Variants in NEGR1 observed in about 807,000 individuals in gnomAD.
NEGR1 encodes the protein neuronal growth regulator 1.
In NEGR1, 10 loss-of-function variants were observed where a neutral mutation model predicts 40.9. The ratio of observed to expected loss-of-function variants is 0.24; its 90% CI spans 0.15 to 0.42. The LOEUF is 0.42. NEGR1 is among the 10% of genes least tolerant of loss of function. The probability of loss-of-function intolerance (pLI) is 1.00; values close to 1 mark genes in which losing one functional copy is unlikely to be tolerated. For synonymous variants in NEGR1, 185 were observed against 166.8 expected (o/e 1.11, Z -0.84); for missense variants, 352 against 438.9 (o/e 0.80, Z 1.77).
chr1:72,059,780 A>C (rs1647149651), intron 1 of NEGR1, among the ~76,000 whole-genome samples: 1 of 151,718 alleles, frequency 6.6e-6, no homozygotes, highest in African/African-American at 2.4e-5. Flanking sequence ...ATGATTTAAT[A>C]ATTATAAAAT....
At chr1:71,751,518 C>A (rs1436652583) in intron 3 of NEGR1, among the ~76,000 whole-genome samples, 2 of 152,150 alleles carry the variant, frequency 1.3e-5, no homozygotes, top group African/African-American at 4.8e-5. Context: ...CAAACAGAGA[C>A]CTTACTGATT....
chr1:72,275,103 G>C (rs1363435530), intron 1 of NEGR1: 1 of 861,648 alleles, frequency 1.2e-6, no homozygotes, highest in Non-Finnish European at 2.0e-6. Context: ...CGAAAGACTT[G>C]GGAACAGAAA....
At chr1:71,722,566 A>G (rs1044278819) in intron 3 of NEGR1, among the ~76,000 whole-genome samples, 4 of 152,132 alleles carry the variant, frequency 2.6e-5, no homozygotes, top group Non-Finnish European at 5.9e-5. Flanking sequence ...ACAGCAAAAA[A>G]CAATGGGAAT....
chr1:71,434,397 G>T (rs1426462271), intron 6 of NEGR1, among the ~76,000 whole-genome samples: 1 of 152,110 alleles, frequency 6.6e-6, no homozygotes. Context: ...GGTACATATT[G>T]TAGTACTGTA....
chr1:72,174,148 T>A (rs1218450601), intron 1 of NEGR1, among the ~76,000 whole-genome samples: 1 of 152,156 alleles, frequency 6.6e-6, no homozygotes, highest in East Asian at 1.9e-4. Context: ...AGATGTAAAT[T>A]TCATTATCTT....
intron 6 of NEGR1, among the ~76,000 whole-genome samples, chr1:71,573,042 G>A (rs1298893891): frequency 6.6e-6 from 1 of 152,150 alleles, no homozygotes; most frequent in Non-Finnish European, 1.5e-5. Context: ...TTGTGCTGGG[G>A]AGCTTCCCCT....
intron 2 of NEGR1, among the ~76,000 whole-genome samples, chr1:71,819,773 C>A (rs1203109537): frequency 1.3e-5 from 2 of 151,890 alleles, no homozygotes; most frequent in East Asian, 1.9e-4. Flanking sequence ...GCTAGAATTG[C>A]CCTGGTAGGC....
intron 3 of NEGR1, among the ~76,000 whole-genome samples, chr1:71,707,973 G>A (rs1653961284): frequency 6.6e-6 from 1 of 152,076 alleles, no homozygotes; most frequent in East Asian, 1.9e-4. Flanking sequence ...AGCAGGAATA[G>A]CTTAGATCAC....
At chr1:71,915,237 C>T (rs567052229) in intron 2 of NEGR1, among the ~76,000 whole-genome samples, 108 of 151,988 alleles carry the variant, frequency 7.1e-4, no homozygotes, top group African/African-American at 2.6e-3. Flanking sequence ...GATAAGAAGC[C>T]TTTTTGTCAT....
chr1:71,813,965 T>C (rs771935661), intron 2 of NEGR1, among the ~76,000 whole-genome samples: 8 of 151,976 alleles, frequency 5.3e-5, no homozygotes, highest in Non-Finnish European at 1.2e-4. Flanking sequence ...CTTCCAATAC[T>C]ATGTGGTGGA....
At chr1:72,278,386 A>C (rs946928255) in intron 1 of NEGR1, among the ~76,000 whole-genome samples, 4 of 152,162 alleles carry the variant, frequency 2.6e-5, no homozygotes, top group African/African-American at 9.6e-5. Flanking sequence ...AATTAGCTTA[A>C]AAATAACCGT....
intron 1 of NEGR1, among the ~76,000 whole-genome samples, chr1:72,002,680 A>G (rs984711187): frequency 2.6e-5 from 4 of 152,202 alleles, no homozygotes; most frequent in Non-Finnish European, 2.9e-5. Context: ...TGAGGAAACT[A>G]TATTAAAAAT....
intron 2 of NEGR1, among the ~76,000 whole-genome samples, chr1:71,903,813 TTCTC>T (rs757294644): frequency 8.6e-4 from 130 of 151,628 alleles, no homozygotes; most frequent in Admixed American, 3.0e-3. Flanking sequence ...ATCAACCCCA[TTCTC>T]TCTCTATTAT....
intron 1 of NEGR1, among the ~76,000 whole-genome samples, chr1:72,257,115 G>T (rs916335182): frequency 6.6e-6 from 1 of 152,008 alleles, no homozygotes; most frequent in Non-Finnish European, 1.5e-5. Flanking sequence ...GAGGTCAGGA[G>T]ATTGAGACCA....
At chr1:71,439,607 C>G (rs1172012784) in intron 6 of NEGR1, 1 of 152,174 alleles carries the variant, frequency 6.6e-6, no homozygotes, top group African/African-American at 2.4e-5. Flanking sequence ...CAGGAATCTA[C>G]CTGCCTTGGC....
rs577085204 is a variant in NEGR1 at position 71,548,657 on chromosome 1, A to T, written c.940+44160T>A. Among the ~76,000 whole-genome samples the T allele has an allele frequency of 2.0e-5, 3 of 151,790 alleles. No homozygotes were observed. The South Asian group carries it at 6.2e-4, about 31-fold the overall frequency. On this transcript the variant is annotated intron_variant, in intron 6 of 6. Coordinates refer to ENST00000357731, the MANE Select transcript of NEGR1 (RefSeq NM_173808.3). Reference sequence around the variant, plus strand: ...CATATGCATAGCAGATTGTTAAAACATGCCGAGGCTGTGGTGCTCCTTTCC... The same window carrying T: ...CATATGCATAGCAGATTGTTAAAACTTGCCGAGGCTGTGGTGCTCCTTTCC...
chr1:72,275,136 G>A (rs868570060), intron 1 of NEGR1: 5 of 741,076 alleles, frequency 6.7e-6, no homozygotes, highest in Admixed American at 3.8e-5. Flanking sequence ...TTTCCCGCAC[G>A]TACGATGCCA....
At chr1:71,595,317 C>G (rs137869172) in intron 5 of NEGR1, among the ~76,000 whole-genome samples, 84 of 152,316 alleles carry the variant, frequency 5.5e-4, no homozygotes, top group African/African-American at 1.7e-3. Context: ...TTTCTTCCCT[C>G]TGGGGAAAGC....
At chr1:71,794,106 A>T (rs1418693422) in intron 2 of NEGR1, 5 of 152,316 alleles carry the variant, frequency 3.3e-5, no homozygotes, top group Middle Eastern at 6.8e-3. Flanking sequence ...GTCATTGCTA[A>T]TAGATAACTT....
Sources: gnomAD v4.1 joint callset for allele counts (sites outside exome capture counted in the v4.1 genomes callset) on GRCh38, gnomAD v4.1.1 for gene constraint, MANE v1.5 for transcripts, NCBI Gene and HGNC (gene_info 2026-07-23, HGNC 2026-07-21) for gene names.